Variants in PCNX2 observed in about 807,000 individuals in gnomAD.
PCNX2 encodes pecanex 2, also known as pecanex-like protein 2.
Under a neutral mutation model 223.8 loss-of-function variants are expected in PCNX2, and 168 were observed. That is an observed-to-expected ratio of 0.75 (90% CI 0.66 to 0.85). The LOEUF (loss-of-function observed/expected upper bound fraction) is 0.85. Among genes scored for constraint, PCNX2 ranks in the 40% least tolerant of loss-of-function variants. PCNX2 has a pLI of 0.00. For synonymous variants in PCNX2, 1,006 were observed against 1,052.6 expected (o/e 0.96, Z 0.86); for missense variants, 2,507 against 2,675.5 (o/e 0.94, Z 1.39).
chr1:233,283,503 G>A (rs1314737875), intron 1 of PCNX2, among the ~76,000 whole-genome samples: 1 of 152,064 alleles, frequency 6.6e-6, no homozygotes, highest in Non-Finnish European at 1.5e-5. Context: ...AAGCAACAAC[G>A]TGCTCACAAA....
chr1:233,003,045 A>G (rs556401470), intron 28 of PCNX2, among the ~76,000 whole-genome samples: 25 of 152,356 alleles, frequency 1.6e-4, no homozygotes, highest in African/African-American at 5.5e-4. Flanking sequence ...CTAAAACCAT[A>G]AAAATCTTAG....
At chr1:233,160,092 A>G (rs1301463591) in intron 19 of PCNX2, among the ~76,000 whole-genome samples, 191 bp downstream of exon 19, 1 of 152,204 alleles carries the variant, frequency 6.6e-6, no homozygotes, top group African/African-American at 2.4e-5. Context: ...AACAAATACC[A>G]TATACTCTAA....
chr1:233,180,346 G>A (rs1478643017), intron 15 of PCNX2, among the ~76,000 whole-genome samples: 4 of 151,948 alleles, frequency 2.6e-5, no homozygotes, highest in African/African-American at 9.7e-5. Context: ...TGGTGGCCTG[G>A]GACTCCAGCT....
intron 12 of PCNX2, 90 bp from the exon 13 acceptor site, chr1:233,208,779 A>G (rs1681637891): frequency 9.5e-7 from 1 of 1,053,122 alleles, no homozygotes; most frequent in South Asian, 2.6e-5. Flanking sequence ...TATATCATAT[A>G]ACTTATACAT....
At chr1:233,140,957 C>T (rs1445105647) in intron 19 of PCNX2, among the ~76,000 whole-genome samples, 1 of 152,170 alleles carries the variant, frequency 6.6e-6, no homozygotes, top group Non-Finnish European at 1.5e-5. Context: ...ATGCTCTCCA[C>T]AGCAAGCCTC....
At chr1:233,295,954 C>CCTT (rs1662088117), upstream of PCNX2, among the ~76,000 whole-genome samples, 58 of 143,964 alleles carry the variant, frequency 4.0e-4, no homozygotes, top group African/African-American at 1.3e-3. The surrounding 1 kb of genome is among the most constrained non-coding windows in gnomAD (Gnocchi z 4.1). Context: ...TCCTTCCTTT[C>CCTT]TCTCTCTCTC....
chr1:233,165,222 T>C (rs1294085474), intron 17 of PCNX2, among the ~76,000 whole-genome samples: 2 of 152,262 alleles, frequency 1.3e-5, no homozygotes, highest in Non-Finnish European at 2.9e-5. Flanking sequence ...CTATTTTACA[T>C]TCTCAACAGC....
At chr1:233,204,401 C>T (rs927481017) in intron 13 of PCNX2, among the ~76,000 whole-genome samples, 2 of 152,158 alleles carry the variant, frequency 1.3e-5, no homozygotes, top group African/African-American at 2.4e-5. Context: ...TTTGTTACAG[C>T]GGCTCTAGGA....
intron 5 of PCNX2, among the ~76,000 whole-genome samples, chr1:233,256,974 T>C (rs965479398): frequency 9.9e-5 from 15 of 152,180 alleles, no homozygotes; most frequent in African/African-American, 3.4e-4. Context: ...CAACTTTCAG[T>C]CAGCATTCCT....
chr1:233,281,857 G>C (rs1661208662), intron 1 of PCNX2, among the ~76,000 whole-genome samples: 1 of 152,156 alleles, frequency 6.6e-6, no homozygotes, highest in Non-Finnish European at 1.5e-5. Context: ...AATGCAGAGT[G>C]ATTAGATTAT....
chr1:233,106,406 G>A (rs1674780119), intron 21 of PCNX2, among the ~76,000 whole-genome samples: 1 of 131,032 alleles, frequency 7.6e-6, no homozygotes, highest in African/African-American at 2.9e-5. Context: ...AGTCTGGAAT[G>A]CAGTGATGCA....
intron 23 of PCNX2, among the ~76,000 whole-genome samples, chr1:233,075,063 C>G (rs1324992071): frequency 6.6e-6 from 1 of 152,102 alleles, no homozygotes; most frequent in Non-Finnish European, 1.5e-5. Flanking sequence ...CATTATGAGA[C>G]AGCAATGGCA....
chr1:233,276,148 G>A (rs2103015021), intron 1 of PCNX2, among the ~76,000 whole-genome samples: 1 of 152,304 alleles, frequency 6.6e-6, no homozygotes, highest in Non-Finnish European at 1.5e-5. Context: ...TTGAAAAGGA[G>A]GGAAATCCTG....
At chr1:233,131,911 C>T (rs960291985) in intron 21 of PCNX2, among the ~76,000 whole-genome samples, 2 of 151,042 alleles carry the variant, frequency 1.3e-5, no homozygotes, top group African/African-American at 4.9e-5. Flanking sequence ...AATGCCTGCA[C>T]AACTAAGCTT....
At chr1:233,010,581 G>A (rs1217786057) in intron 28 of PCNX2, among the ~76,000 whole-genome samples, 1 of 152,118 alleles carries the variant, frequency 6.6e-6, no homozygotes, top group East Asian at 1.9e-4. Context: ...CATACTCTGT[G>A]GTCAGTGAAA....
At chr1:233,089,017 A>C (rs1166434534) in intron 23 of PCNX2, among the ~76,000 whole-genome samples, 1 of 152,238 alleles carries the variant, frequency 6.6e-6, no homozygotes, top group Non-Finnish European at 1.5e-5. Context: ...GTGTGAACTC[A>C]GGCAGGCTGT....
At chr1:233,227,137 T>C (rs549962918) in intron 10 of PCNX2, 89 bp downstream of exon 10, 2 of 1,377,300 alleles carry the variant, frequency 1.5e-6, no homozygotes, top group South Asian at 3.8e-5. Context: ...AATGTGCAAG[T>C]GACAATGTTC....
intron 3 of PCNX2, 47 bp downstream of exon 3, chr1:233,261,990 GAGATCAAC>G: frequency 6.2e-7 from 1 of 1,604,854 alleles, no homozygotes. Context: ...CATTCTAGGT[GAGATCAAC>G]ATCGAAATCA....
At chr1:233,148,160 T>C (rs1677573944) in intron 19 of PCNX2, among the ~76,000 whole-genome samples, 1 of 152,184 alleles carries the variant, frequency 6.6e-6, no homozygotes, top group Admixed American at 6.5e-5. Context: ...ACAGCAAATG[T>C]GTTTACACTA....
Sources: gnomAD v4.1 joint callset for allele counts (sites outside exome capture counted in the v4.1 genomes callset) on GRCh38, gnomAD v4.1.1 for gene constraint, Gnocchi (gnomAD v3.1) non-coding constraint, MANE v1.5 for transcripts, NCBI Gene and HGNC (gene_info 2026-07-23, HGNC 2026-07-21) for gene names.